AOPEP: variants seen among roughly 807,000 people sequenced by gnomAD.
The protein encoded by AOPEP is aminopeptidase O (putative).
A neutral mutation model predicts 98.1 loss-of-function variants in AOPEP; 77 were observed. That is an observed-to-expected ratio of 0.78 (90% confidence interval 0.65 to 0.95). The LOEUF (loss-of-function observed/expected upper bound fraction) is 0.95. Ranked by LOEUF, AOPEP falls within the 40% of genes least tolerant of loss-of-function variation. The pLI is 0.00. For synonymous variants in AOPEP, 346 were observed against 365.3 expected, an observed-to-expected ratio of 0.95 and a Z score of 0.60; for missense variants, 1,024 against 1,024.7, an observed-to-expected ratio of 1.00 and a Z score of 0.01.
the AOPEP span, among the ~76,000 whole-genome samples, chr9:95,116,131 C>A: frequency 6.6e-6 from 1 of 152,228 alleles, no homozygotes; most frequent in Admixed American, 6.5e-5. Flanking sequence ...TGCCCATGCA[C>A]CACCTCACCG....
intron 5 of AOPEP, among the ~76,000 whole-genome samples, chr9:94,869,620 T>G (rs893470798): frequency 6.6e-6 from 1 of 152,202 alleles, no homozygotes; most frequent in African/African-American, 2.4e-5. Context: ...GTTTTTTGGG[T>G]TAGACCATTT....
At chr9:95,111,147 C>T in the AOPEP span, 1 of 1,534,890 alleles carries the variant, frequency 6.5e-7, no homozygotes, top group Non-Finnish European at 8.7e-7. Flanking sequence ...CAGGGCACGC[C>T]TTGGAGGACG....
chr9:95,112,825 T>C, the AOPEP span, among the ~76,000 whole-genome samples: 1 of 152,218 alleles, frequency 6.6e-6, no homozygotes, highest in African/African-American at 2.4e-5. Flanking sequence ...AAGGTCTGGA[T>C]TGAAGTGGGA....
intron 9 of AOPEP, 60 bp from the exon 10 acceptor site, chr9:94,967,698 G>T: frequency 1.4e-6 from 2 of 1,456,048 alleles, no homozygotes; most frequent in Non-Finnish European, 1.9e-6. Context: ...CTCTGGCATG[G>T]TTCCAGGCAG....
At chr9:95,006,064 C>A in intron 13 of AOPEP, 1 of 472,224 alleles carries the variant, frequency 2.1e-6, no homozygotes, top group Non-Finnish European at 4.4e-6. Context: ...ACTTTTAAAA[C>A]ACTAGGAGGA....
In AOPEP at chr9:94,939,611, A is replaced by C. The variant is rs542545479; in HGVS notation, c.1661+11080A>C. Among the ~76,000 whole-genome samples, 15 of 152,372 alleles carry C rather than the reference A, an allele frequency of 9.8e-5. No homozygotes were observed. The South Asian group carries it at 3.1e-3, about 32-fold the overall frequency. ...AAATCTGAACAAAACTTCCTGGGCAACAACATGACCACTAATGGAAAATTT... is the reference window on the plus strand; with the variant it reads ...AAATCTGAACAAAACTTCCTGGGCACCAACATGACCACTAATGGAAAATTT... On this transcript the variant is annotated intron_variant, in intron 7 of 16. Transcript: ENST00000375315.
chr9:95,042,856 T>C (rs900665369), intron 13 of AOPEP, among the ~76,000 whole-genome samples: 2 of 152,196 alleles, frequency 1.3e-5, no homozygotes, highest in African/African-American at 2.4e-5. Flanking sequence ...TTTAATTCCC[T>C]TTTGCCAGGT....
chr9:94,777,696 C>T (rs908242486), intron 3 of AOPEP, among the ~76,000 whole-genome samples: 1 of 134,554 alleles, frequency 7.4e-6, no homozygotes, highest in African/African-American at 2.9e-5. Context: ...TACAGTGGCG[C>T]GATCTCAGCT....
At chr9:95,104,816 G>A in the AOPEP span, among the ~76,000 whole-genome samples, 3 of 152,206 alleles carry the variant, frequency 2.0e-5, no homozygotes, top group African/African-American at 7.2e-5. Context: ...GCCTGAGCTG[G>A]AATTGTCCTT....
Position 94,760,427 on chromosome 9 carries a change from G to C in AOPEP, c.644G>C (p.Cys215Ser). 6.2e-7 allele frequency: 1 copy of C among 1,613,998 alleles called. No homozygotes were observed. The highest frequency in any genetic ancestry group is 8.5e-7 in the Non-Finnish European group (1 of 1,179,924). Residue 215 changes from cysteine (C) to serine (S), a missense_variant, in exon 2 of 17, where the codon TGT becomes TCT. Coordinates refer to ENST00000375315, the MANE Select transcript of AOPEP (RefSeq NM_001193329.3). ...YYARCSQAPG[C>S]GELLFDTDTW... ...GCTCGCTGCAGCCAGGCTCCTGGCT[G>C]TGGGGAACTCCTCTTTGACACTGAC... is the stretch of plus-strand genomic sequence containing the variant.
At chr9:94,742,497 G>A (rs745587400) in intron 1 of AOPEP, among the ~76,000 whole-genome samples, 1 of 151,610 alleles carries the variant, frequency 6.6e-6, no homozygotes, top group Non-Finnish European at 1.5e-5. Flanking sequence ...GCAGTGGCGC[G>A]ATCCTTGGCT....
At chr9:95,072,429 G>A (rs2068604531) in intron 14 of AOPEP, among the ~76,000 whole-genome samples, 6 of 152,080 alleles carry the variant, frequency 3.9e-5, no homozygotes, top group South Asian at 2.1e-4. Context: ...AGGCTGAGGC[G>A]GGATCACTTG....
the AOPEP span, among the ~76,000 whole-genome samples, chr9:95,103,382 A>G: frequency 2.0e-5 from 3 of 152,302 alleles, no homozygotes; most frequent in African/African-American, 7.2e-5. Flanking sequence ...ATTCATTTTG[A>G]GTTCAACGAC....
intron 5 of AOPEP, among the ~76,000 whole-genome samples, chr9:94,841,879 C>T (rs2042314242): frequency 6.6e-6 from 1 of 152,068 alleles, no homozygotes; most frequent in Admixed American, 6.6e-5. Flanking sequence ...AAGCGAGACC[C>T]TGTCTCTACA....
In AOPEP at chr9:95,086,822, C is replaced by T. The variant is rs2070755029; in HGVS notation, c.*145C>T. 2.0e-6 allele frequency: 2 copies of T among 987,898 alleles called. No homozygotes were observed. The highest frequency in any genetic ancestry group is 6.1e-5 in the Admixed American group (1 of 16,278). 61.2% of individuals were successfully genotyped at this position (987,898 alleles called of 1,614,324 possible). A position where few individuals can be genotyped will look rare whatever the true frequency, so the allele number is the denominator to read the frequency against. Reference sequence around the variant, plus strand: ...GCCCTGTTCACATCTTGGTGCTTCTCTTTCCCAGAGGCTGGTCCCAGCCAG... The same window carrying T: ...GCCCTGTTCACATCTTGGTGCTTCTTTTTCCCAGAGGCTGGTCCCAGCCAG... On this transcript the variant is annotated 3_prime_UTR_variant, in exon 17 of 17. Transcript: ENST00000375315.
At chr9:95,030,904 C>T (rs2064241786) in intron 13 of AOPEP, among the ~76,000 whole-genome samples, 1 of 152,246 alleles carries the variant, frequency 6.6e-6, no homozygotes, top group East Asian at 1.9e-4. Context: ...TGCAGTTACA[C>T]AGCTGTCTCC....
intron 3 of AOPEP, among the ~76,000 whole-genome samples, chr9:94,783,645 T>G (rs560948084): frequency 9.9e-4 from 150 of 152,282 alleles, no homozygotes; most frequent in South Asian, 1.7e-3. Context: ...TGGGGAGCTC[T>G]CTCTCCTTTT....
chr9:95,030,857 A>T (rs7021351), intron 13 of AOPEP, among the ~76,000 whole-genome samples: 126,797 of 152,190 alleles, frequency 0.83, 53,293 homozygotes, highest in Non-Finnish European at 0.89. Flanking sequence ...TTTATGGGTT[A>T]CACTGAAATG....
intron 13 of AOPEP, among the ~76,000 whole-genome samples, chr9:95,053,885 T>G (rs1336533743): frequency 6.6e-6 from 1 of 151,968 alleles, no homozygotes; most frequent in Non-Finnish European, 1.5e-5. Context: ...ACACCTAATT[T>G]TGGGGGTGGG....
Sources: gnomAD v4.1 joint callset for allele counts (sites outside exome capture counted in the v4.1 genomes callset) on GRCh38, gnomAD v4.1.1 for gene constraint, MANE v1.5 for transcripts, NCBI Gene and HGNC (gene_info 2026-07-23, HGNC 2026-07-21) for gene names.